Variants in ZNF264 observed in about 807,000 individuals in gnomAD.
ZNF264 encodes zinc finger protein 264.
Under a neutral mutation model 11.2 loss-of-function variants are expected in ZNF264, and 11 were observed. That is an observed-to-expected ratio of 0.98 (90% CI 0.62 to 1.63). The LOEUF is 1.63. Ranked by LOEUF, ZNF264 falls within the 40% of genes most tolerant of loss-of-function variation. The probability of loss-of-function intolerance (pLI) is 0.00; values close to 1 mark genes in which losing one functional copy is unlikely to be tolerated. For missense variants in ZNF264, 752 were observed against 768.1 expected, an observed-to-expected ratio of 0.98 and a Z score of 0.25; for synonymous variants, 309 against 279.8, an observed-to-expected ratio of 1.10 and a Z score of -1.04.
intron 3 of ZNF264, among the ~76,000 whole-genome samples, chr19:57,207,566 T>TA (rs1286809500): frequency 6.8e-6 from 1 of 147,302 alleles, no homozygotes; most frequent in Admixed American, 6.8e-5. Context: ...TTTTTTTTTT[T>TA]AGAGTCTCTC....
In ZNF264 at chr19:57,211,948, AG is replaced by A; in HGVS notation, c.852del (p.Lys285SerfsTer102). On this transcript the variant is annotated frameshift_variant, in exon 4 of 4. Transcript: ENST00000263095. LOFTEE classifies it low-confidence loss of function (END_TRUNC). ...CAGCACCAGCGGATTCACAGTGGAGAGAAGCCTTACAAGTGCAATGAATGCG... is the reference window on the plus strand; with the variant it reads ...CAGCACCAGCGGATTCACAGTGGAGAAAGCCTTACAAGTGCAATGAATGCG... ...LTQHQRIHSG[E>X]KPYKCNECGK... The A allele has an allele frequency of 6.2e-7, 1 of 1,614,076 alleles. No homozygotes were observed. Among genetic ancestry groups the A allele is most frequent in the Non-Finnish European group, 8.5e-7 (1 of 1,180,026 alleles).
chr19:57,205,246 G>A, intron 2 of ZNF264, 151 bp from the exon 3 acceptor site: 6 of 663,228 alleles, frequency 9.0e-6, no homozygotes, highest in Non-Finnish European at 1.6e-5. Context: ...GGAAACCTTG[G>A]TTTCCAGGTC....
chr19:57,210,340 G>A (rs1161859436), intron 3 of ZNF264, among the ~76,000 whole-genome samples: 2 of 152,156 alleles, frequency 1.3e-5, no homozygotes, highest in Admixed American at 6.5e-5. Flanking sequence ...CTTCCGACAC[G>A]GACTACAGGT....
intron 3 of ZNF264, among the ~76,000 whole-genome samples, chr19:57,207,247 G>C (rs6510048): frequency 0.66 from 100,898 of 152,002 alleles, 34,479 homozygotes; most frequent in African/African-American, 0.81. Context: ...ATCCAGCCAA[G>C]TAGACAGTTT....
At chr19:57,197,296 T>TA (rs202029412) in intron 2 of ZNF264, among the ~76,000 whole-genome samples, 1,722 of 151,946 alleles carry the variant, frequency 0.011, 75 homozygotes, top group African/African-American at 0.04. Flanking sequence ...ACTTGATGGC[T>TA]AGCTGGGTCA....
chr19:57,211,951 A>G lies in ZNF264; in HGVS notation c.854A>G (p.Lys285Arg). 6.2e-7 allele frequency: 1 copy of G among 1,614,066 alleles called. No homozygotes were observed. The highest frequency in any genetic ancestry group is 2.2e-5 in the East Asian group (1 of 44,854). The change falls in exon 4 of 4, where the codon AAG becomes AGG. Residue 285 changes from lysine to arginine, a missense_variant. Transcript: ENST00000263095. ...CACCAGCGGATTCACAGTGGAGAGA[A>G]GCCTTACAAGTGCAATGAATGCGGA... Reference protein sequence around the residue: ...TQHQRIHSGEKPYKCNECGKA... With the variant: ...TQHQRIHSGERPYKCNECGKA...
chr19:57,204,151 G>A (rs1432028601), intron 2 of ZNF264, among the ~76,000 whole-genome samples: 1 of 150,824 alleles, frequency 6.6e-6, no homozygotes, highest in Non-Finnish European at 1.5e-5. Context: ...GGGAGGCGGA[G>A]CTTGCAGTGA....
chr19:57,201,397 C>T (rs1000411689), intron 2 of ZNF264, among the ~76,000 whole-genome samples: 2 of 151,912 alleles, frequency 1.3e-5, no homozygotes, highest in Admixed American at 1.3e-4. Flanking sequence ...AATCAGTCCC[C>T]CGCTAAATGA....
At chr19:57,207,788 G>A (rs1197128914) in intron 3 of ZNF264, among the ~76,000 whole-genome samples, 3 of 149,978 alleles carry the variant, frequency 2.0e-5, no homozygotes, top group African/African-American at 7.4e-5. Context: ...GTACAATGGC[G>A]CAATCTCGGC....
At position 57,215,712 on chromosome 19, in the gene ZNF264, T is replaced by G. The variant is rs567474135; in HGVS notation, c.*2731T>G. The stretch of plus-strand genomic sequence containing the variant: ...TGGTTTGATCCCACAAGTTTTAATG[T>G]TTTCATTACATTTTAATTCTAATAG... On this transcript the variant is annotated 3_prime_UTR_variant, in exon 4 of 4. Transcript: ENST00000263095. The G allele has an allele frequency of 6.6e-6, 1 of 152,202 alleles. No homozygotes were observed. The highest frequency in any genetic ancestry group is 6.5e-5 in the Admixed American group (1 of 15,290). The allele number at this position is 152,202 out of a possible 1,614,324, so 9.4% of individuals were successfully genotyped here.
chr19:57,200,774 G>A (rs2087247275), intron 2 of ZNF264, among the ~76,000 whole-genome samples: 1 of 151,614 alleles, frequency 6.6e-6, no homozygotes, highest in Admixed American at 6.6e-5. Flanking sequence ...ACCACACCCA[G>A]TTCGTTTTTG....
intron 2 of ZNF264, among the ~76,000 whole-genome samples, chr19:57,204,171 A>T (rs1398521089): frequency 6.7e-6 from 1 of 149,970 alleles, no homozygotes; most frequent in African/African-American, 2.5e-5. Context: ...AGCCGAGTTC[A>T]CACGCCACTG....
At chr19:57,194,207 C>T (rs1235036198) in intron 2 of ZNF264, 2 of 651,220 alleles carry the variant, frequency 3.1e-6, no homozygotes, top group Non-Finnish European at 4.7e-6. Flanking sequence ...GGCTCCCAGC[C>T]AAAGGAGAAG....
chr19:57,205,431 C>A lies in ZNF264; in HGVS notation c.195C>A (p.His65Gln), dbSNP rs757331409. ...TTCCCAAAGCTGAGCTGATCTGCCACCTAGAGCATGGGCAGGAGCCATGGA... is the reference window on the plus strand; with the variant it reads ...TTCCCAAAGCTGAGCTGATCTGCCAACTAGAGCATGGGCAGGAGCCATGGA... ...CPVPKAELIC[H>Q]LEHGQEPWTR... Residue 65 changes from histidine (H) to glutamine (Q), a missense_variant, in exon 3 of 4, where the codon CAC (histidine) becomes CAA (glutamine). Physicochemically the swap from His to Gln is conservative, Grantham distance 24. Coordinates refer to ENST00000263095, the MANE Select transcript of ZNF264 (RefSeq NM_003417.5). 2.0e-5 allele frequency: 32 copies of A among 1,612,340 alleles called. No homozygotes were observed. The highest frequency in any genetic ancestry group is 2.6e-5 in the Non-Finnish European group (31 of 1,179,386).
rs1440822344 is a variant in ZNF264, at chr19:57,211,642, T to A, written c.545T>A (p.Val182Asp). 6.2e-7 allele frequency: 1 copy of A among 1,614,034 alleles called. No individual in the cohort carries two copies. The highest frequency in any genetic ancestry group is 1.7e-5 in the Admixed American group (1 of 59,998). The change falls in exon 4 of 4, where the codon GTC (valine) becomes GAC (aspartate). Residue 182 changes from valine to aspartate, a missense_variant. Transcript: ENST00000263095. ...GQEQVSPGDR[V>D]RSHNSCESGK... ...GAGCAAGTCTCTCCAGGAGATAGAG[T>A]CCGTAGCCATAACTCATGTGAGTCA...
chr19:57,211,418 C>G lies in ZNF264; in HGVS notation c.321C>G (p.Ile107Met). The G allele has an allele frequency of 6.2e-7, 1 of 1,614,162 alleles. No individual in the cohort carries two copies. ...TTCEPALSEG[I>M]SLQGQVTQGN... ...GTGAGCCAGCCTTGTCAGAGGGAAT[C>G]TCACTTCAGGGACAAGTGACACAAG... The change falls in exon 4 of 4, where the codon ATC (isoleucine) becomes ATG (methionine). Residue 107 changes from isoleucine (I) to methionine (M), a missense_variant. Ile to Met is a conservative substitution (Grantham distance 10, BLOSUM62 1). Transcript: ENST00000263095.
At chr19:57,208,616 A>G (rs886670985) in intron 3 of ZNF264, among the ~76,000 whole-genome samples, 1 of 152,186 alleles carries the variant, frequency 6.6e-6, no homozygotes, top group Admixed American at 6.5e-5. Flanking sequence ...ATAATTTTCT[A>G]TGTTTCATTC....
In ZNF264 at chr19:57,191,892, C is replaced by G; in HGVS notation, c.-22C>G. 6.9e-7 allele frequency: 1 copy of G among 1,450,400 alleles called. No homozygotes were observed. The allele number at this position is 1,450,400 out of a possible 1,614,324, so 89.8% of individuals were successfully genotyped here. On this transcript the variant is annotated 5_prime_UTR_variant, in exon 1 of 4. Coordinates refer to ENST00000263095, the MANE Select transcript of ZNF264 (RefSeq NM_003417.5). ...CGCCCGGGGCTCCTCTGTCCCAGCT[C>G]TGCGGCCCAGGGGGTGACGTGATGG...
intron 2 of ZNF264, among the ~76,000 whole-genome samples, chr19:57,198,068 G>A (rs2087225238): frequency 6.6e-6 from 1 of 152,024 alleles, no homozygotes; most frequent in Non-Finnish European, 1.5e-5. Flanking sequence ...GTAGGACCGT[G>A]AAGGTATATT....
Sources: allele counts gnomAD v4.1 joint callset (sites outside exome capture counted in the v4.1 genomes callset), GRCh38; gene constraint gnomAD v4.1.1; transcripts MANE v1.5; gene names NCBI Gene and HGNC (gene_info 2026-07-23, HGNC 2026-07-21).